Variants in AIG1 observed in about 807,000 individuals in gnomAD.
AIG1 encodes the protein androgen-induced gene 1 protein.
AIG1 carries 23 observed loss-of-function variants against 31.4 expected under a neutral mutation model. The observed-to-expected ratio is 0.73, with a 90% CI of 0.53 to 1.04. AIG1 has a LOEUF of 1.04. Ranked by LOEUF, AIG1 falls within the 50% of genes least tolerant of loss-of-function variation. AIG1 has a pLI of 0.00. For synonymous variants in AIG1, 100 were observed against 110.5 expected (o/e 0.90, Z 0.60); for missense variants, 274 against 295.0 (o/e 0.93, Z 0.52).
intron 3 of AIG1, among the ~76,000 whole-genome samples, chr6:143,226,178 G>A (rs1792930064): frequency 6.6e-6 from 1 of 151,840 alleles, no homozygotes; most frequent in Non-Finnish European, 1.5e-5. Flanking sequence ...AATGACAAGA[G>A]TCACATCTGT....
intron 2 of AIG1, among the ~76,000 whole-genome samples, chr6:143,148,386 G>C (rs922730977): frequency 6.6e-6 from 1 of 150,804 alleles, no homozygotes. Flanking sequence ...GCACACGCCT[G>C]TAGTCCCAGC....
chr6:143,257,157 C>T (rs1025656485), intron 3 of AIG1, among the ~76,000 whole-genome samples: 8 of 152,184 alleles, frequency 5.3e-5, no homozygotes, highest in South Asian at 4.1e-4. Flanking sequence ...AGGCAGCTGG[C>T]GCTCCCACTG....
At chr6:143,101,471 G>A (rs1168596485) in intron 1 of AIG1, among the ~76,000 whole-genome samples, 2 of 152,166 alleles carry the variant, frequency 1.3e-5, no homozygotes, top group African/African-American at 2.4e-5. Context: ...TAGGATTAAG[G>A]GTCTAGATTC....
Position 143,231,120 on chromosome 6 carries a change from A to T in AIG1, c.400-52990A>T, listed in dbSNP as rs566091877. On this transcript the variant is annotated intron_variant, in intron 3 of 5. Coordinates refer to ENST00000357847, the MANE Select transcript of AIG1 (RefSeq NM_016108.4). ...TATCATATAGTATTGTGTAAACTGT[A>T]GTAAATTATACAGATATAAGAGATT... Among the ~76,000 whole-genome samples, 50 of 152,378 alleles carry T rather than the reference A, an allele frequency of 3.3e-4. No individual in the cohort carries two copies. The South Asian group carries it at 0.01, about 32-fold the overall frequency.
downstream of AIG1, chr6:143,342,214 C>G: frequency 1.5e-6 from 1 of 663,388 alleles, no homozygotes; most frequent in East Asian, 2.9e-5. Context: ...TGAGCCATTG[C>G]GCCCGTCCTA....
At chr6:143,121,081 A>G (rs1363329426) in intron 1 of AIG1, among the ~76,000 whole-genome samples, 5 of 152,254 alleles carry the variant, frequency 3.3e-5, no homozygotes. Context: ...TAGTTAATCT[A>G]TAATTGATTA....
intron 2 of AIG1, among the ~76,000 whole-genome samples, chr6:143,137,212 T>C (rs973264669): frequency 6.6e-6 from 1 of 152,228 alleles, no homozygotes; most frequent in African/African-American, 2.4e-5. Flanking sequence ...TCGTTTCTTC[T>C]GAGGCCTCTC....
chr6:143,277,909 T>G (rs970697832), intron 3 of AIG1, among the ~76,000 whole-genome samples: 4 of 152,254 alleles, frequency 2.6e-5, no homozygotes, highest in Non-Finnish European at 4.4e-5. Flanking sequence ...TAACTCTCAA[T>G]TCTAGAGATC....
chr6:143,237,585 A>G (rs1018758384), intron 3 of AIG1, among the ~76,000 whole-genome samples: 6 of 152,202 alleles, frequency 3.9e-5, no homozygotes, highest in Non-Finnish European at 7.3e-5. Context: ...TGGCCAAATC[A>G]TTGAACTTCT....
chr6:143,233,435 A>G (rs1382857376), intron 3 of AIG1, among the ~76,000 whole-genome samples: 1 of 152,120 alleles, frequency 6.6e-6, no homozygotes, highest in Non-Finnish European at 1.5e-5. Flanking sequence ...CTGCTTATGT[A>G]TTGTTAAAAG....
chr6:143,100,243 G>A (rs189177410), intron 1 of AIG1, among the ~76,000 whole-genome samples: 20 of 152,246 alleles, frequency 1.3e-4, no homozygotes, highest in African/African-American at 3.9e-4. Flanking sequence ...CCTCTGAACC[G>A]TAAGATTTAC....
chr6:143,129,027 C>A (rs1298610146), intron 1 of AIG1, among the ~76,000 whole-genome samples: 2 of 152,208 alleles, frequency 1.3e-5, no homozygotes, highest in African/African-American at 2.4e-5. Flanking sequence ...CGCGGTGGCT[C>A]ATGCCTGTAA....
At chr6:143,215,577 C>G (rs1415385032) in intron 3 of AIG1, among the ~76,000 whole-genome samples, 5 of 152,180 alleles carry the variant, frequency 3.3e-5, no homozygotes, top group Non-Finnish European at 7.3e-5. Context: ...AGGAGCCCTC[C>G]TTCACCAGTG....
rs1168939796 is a variant in AIG1 at position 143,333,274 on chromosome 6, T to G, written c.516-8T>G. ...CCTGTCCTTGTCTCCTTTCCGATTC[T>G]TTTGCAGGGTGTGCTGGGTGCATCA... On this transcript the variant is annotated splice_region_variant and splice_polypyrimidine_tract_variant and intron_variant, in intron 4 of 5. Coordinates refer to ENST00000357847, the MANE Select transcript of AIG1 (RefSeq NM_016108.4). This position sits in a 1 kb window ranked among gnomAD's most constrained non-coding sequence, Gnocchi z 4.6. 6.2e-7 allele frequency: 1 copy of G among 1,600,882 alleles called. No homozygotes were observed. The highest frequency in any genetic ancestry group is 8.5e-7 in the Non-Finnish European group (1 of 1,174,394).
chr6:143,313,689 G>C (rs1396489536), intron 4 of AIG1, among the ~76,000 whole-genome samples: 1 of 151,990 alleles, frequency 6.6e-6, no homozygotes, highest in Non-Finnish European at 1.5e-5. Context: ...ATAACTAAAA[G>C]AGTATAACTG....
chr6:143,258,602 G>A lies in AIG1; in HGVS notation c.400-25508G>A, dbSNP rs1795527120. ...TATTGGCAGAGAGAGAATCAAGGAG[G>A]GGCATGAAGTAGAATAGAGAAAGAA... On this transcript the variant is annotated intron_variant, in intron 3 of 5. Transcript: ENST00000357847. This position sits in a 1 kb window ranked among gnomAD's most constrained non-coding sequence, Gnocchi z 4.7. 6.6e-6 allele frequency among the ~76,000 whole-genome samples: 1 copy of A among 152,186 alleles called. No homozygotes were observed. Among genetic ancestry groups the A allele is most frequent in the Admixed American group, 6.5e-5 (1 of 15,272 alleles).
chr6:143,187,740 G>T, intron 3 of AIG1: 1 of 1,535,290 alleles, frequency 6.5e-7, no homozygotes, highest in Non-Finnish European at 8.7e-7. Context: ...GGATTGACCT[G>T]GTGCCATGCA....
intron 1 of AIG1, among the ~76,000 whole-genome samples, chr6:143,069,802 G>T (rs1284542039): frequency 1.3e-5 from 2 of 152,114 alleles, no homozygotes; most frequent in Non-Finnish European, 2.9e-5. Context: ...TCATTTTGAT[G>T]ATACAAAATT....
chr6:143,308,489 TA>T (rs1221680219), intron 4 of AIG1, among the ~76,000 whole-genome samples: 1 of 152,238 alleles, frequency 6.6e-6, no homozygotes, highest in Non-Finnish European at 1.5e-5. Context: ...CTCTATTGTC[TA>T]AAATAAATGC....
Sources: gnomAD v4.1 joint callset for allele counts (sites outside exome capture counted in the v4.1 genomes callset) on GRCh38, gnomAD v4.1.1 for gene constraint, Gnocchi (gnomAD v3.1) non-coding constraint, MANE v1.5 for transcripts, NCBI Gene and HGNC (gene_info 2026-07-23, HGNC 2026-07-21) for gene names.